FRMD4A: variants seen among roughly 807,000 people sequenced by gnomAD.
The protein encoded by FRMD4A is FERM domain-containing protein 4A.
A neutral mutation model predicts 129.1 loss-of-function variants in FRMD4A; 29 were observed. The observed-to-expected ratio is 0.22, with a 90% CI of 0.17 to 0.31. FRMD4A has a LOEUF of 0.31. Ranked by LOEUF, FRMD4A falls within the 10% of genes least tolerant of loss-of-function variation. The pLI is 1.00. For synonymous variants in FRMD4A, 634 were observed against 571.6 expected, an observed-to-expected ratio of 1.11 and a Z score of -1.56; for missense variants, 1,272 against 1,375.8, an observed-to-expected ratio of 0.92 and a Z score of 1.19.
At chr10:13,723,894 G>A (rs909984899) in intron 12 of FRMD4A, among the ~76,000 whole-genome samples, 12 of 152,302 alleles carry the variant, frequency 7.9e-5, no homozygotes, top group African/African-American at 2.6e-4. Context: ...AGAATGGAGA[G>A]ATTTAACTTT....
chr10:13,725,928 C>T (rs1413163113), intron 12 of FRMD4A, among the ~76,000 whole-genome samples: 1 of 152,200 alleles, frequency 6.6e-6, no homozygotes, highest in African/African-American at 2.4e-5. Context: ...TTCTGTGTCT[C>T]TTAGTCCCCA....
intron 2 of FRMD4A, among the ~76,000 whole-genome samples, chr10:13,978,655 C>T (rs761466474): frequency 2.0e-5 from 3 of 152,128 alleles, no homozygotes; most frequent in Admixed American, 1.3e-4. Flanking sequence ...GTCTGGAAAA[C>T]GTCCCAGCTC....
intron 2 of FRMD4A, among the ~76,000 whole-genome samples, chr10:13,898,239 G>A (rs1312281015): frequency 2.6e-5 from 4 of 152,102 alleles, no homozygotes; most frequent in Non-Finnish European, 5.9e-5. Context: ...TGGGTGTGGT[G>A]GGGCGTGCCT....
intron 2 of FRMD4A, among the ~76,000 whole-genome samples, chr10:14,130,458 T>C (rs10906606): frequency 0.35 from 53,237 of 151,590 alleles, 9,539 homozygotes; most frequent in East Asian, 0.55. Context: ...GATGAAGTCT[T>C]GCTATGATGC....
intron 2 of FRMD4A, among the ~76,000 whole-genome samples, chr10:14,198,766 T>C (rs1006401968): frequency 6.6e-6 from 1 of 152,226 alleles, no homozygotes; most frequent in Non-Finnish European, 1.5e-5. Flanking sequence ...CCTACAAAAC[T>C]CCAGCTCTCC....
At chr10:13,954,845 T>A (rs539664135) in intron 2 of FRMD4A, among the ~76,000 whole-genome samples, 1 of 152,200 alleles carries the variant, frequency 6.6e-6, no homozygotes, top group East Asian at 1.9e-4. Flanking sequence ...GGGTCTTCTC[T>A]CAAACCCCTC....
At chr10:14,029,675 A>G (rs1233323537) in intron 2 of FRMD4A, among the ~76,000 whole-genome samples, 2 of 152,112 alleles carry the variant, frequency 1.3e-5, no homozygotes, top group Non-Finnish European at 1.5e-5. Flanking sequence ...TTAGTTACCT[A>G]TTTTCATGCC....
At chr10:13,925,566 CTTTTTTTTTTTTTTTTTT>C (rs66980805) in intron 2 of FRMD4A, among the ~76,000 whole-genome samples, 3 of 61,936 alleles carry the variant, frequency 4.8e-5, no homozygotes, top group African/African-American at 7.1e-5. Flanking sequence ...TAGTGAAACG[CTTTTTTTTTTTTTTTTTT>C]TTTTTTTTTT....
intron 3 of FRMD4A, among the ~76,000 whole-genome samples, chr10:13,831,487 AAACAAG>A (rs2093789163): frequency 6.6e-6 from 1 of 152,198 alleles, no homozygotes. Flanking sequence ...TGCTGTTAGG[AAACAAG>A]AAGGCTTTGA....
At chr10:13,919,889 G>A (rs1032596542) in intron 2 of FRMD4A, among the ~76,000 whole-genome samples, 1 of 152,180 alleles carries the variant, frequency 6.6e-6, no homozygotes, top group Non-Finnish European at 1.5e-5. Context: ...AGTGAGCTGA[G>A]ATTGCACCAC....
At chr10:13,909,915 A>C (rs1480740999) in intron 2 of FRMD4A, among the ~76,000 whole-genome samples, 1 of 152,250 alleles carries the variant, frequency 6.6e-6, no homozygotes, top group East Asian at 1.9e-4. Flanking sequence ...ATCTCTTTTA[A>C]GTCCAAAAGA....
At chr10:13,763,122 T>C (rs1248681662) in intron 6 of FRMD4A, among the ~76,000 whole-genome samples, 3 of 152,176 alleles carry the variant, frequency 2.0e-5, no homozygotes, top group African/African-American at 7.2e-5. Context: ...TTTACTGCTC[T>C]TAGCTGGGAT....
chr10:14,314,693 G>C (rs1846672511), intron 2 of FRMD4A, among the ~76,000 whole-genome samples: 1 of 152,096 alleles, frequency 6.6e-6, no homozygotes, highest in Non-Finnish European at 1.5e-5. Context: ...CAATCTCTCT[G>C]AGCTTCCTTC....
At chr10:14,198,241 G>A (rs1589156184) in intron 2 of FRMD4A, among the ~76,000 whole-genome samples, 2 of 152,324 alleles carry the variant, frequency 1.3e-5, no homozygotes, top group East Asian at 3.9e-4. Context: ...CAAGGACTGC[G>A]TTCCTTGTGT....
rs376194245 is a variant in FRMD4A, at chr10:13,820,283, G to A, written c.112-9375C>T. ...TGGAAACCCCGAAGACCTCGTTTCC[G>A]TGTAATTGAAGGGAACTCAGCACTG... On this transcript the variant is annotated intron_variant, in intron 3 of 24. Transcript: ENST00000357447. 9.2e-5 allele frequency among the ~76,000 whole-genome samples: 14 copies of A among 152,266 alleles called. No homozygotes were observed. The East Asian group carries it at 1.2e-3, about 13-fold the overall frequency.
chr10:14,311,696 T>C (rs544470376), intron 2 of FRMD4A, among the ~76,000 whole-genome samples: 186 of 152,000 alleles, frequency 1.2e-3, no homozygotes, highest in African/African-American at 4.4e-3. Flanking sequence ...TCCAGGGCTG[T>C]TCCATCTTCT....
In FRMD4A at chr10:13,644,718, T is replaced by G. The variant is rs2081013283; in HGVS notation, c.*2320A>C. ...TTTTGACTTTTCCTGTTGCACACAG[T>G]TCAGTCTGACTATCCATGAATCTTC... is the stretch of plus-strand genomic sequence containing the variant. On this transcript the variant is annotated 3_prime_UTR_variant, in exon 25 of 25. Coordinates refer to ENST00000357447, the MANE Select transcript of FRMD4A (RefSeq NM_018027.5). The G allele has an allele frequency of 6.6e-6, 1 of 152,164 alleles. No individual in the cohort carries two copies. The highest frequency in any genetic ancestry group is 1.9e-4 in the East Asian group (1 of 5,202). 9.4% of individuals were successfully genotyped at this position (152,164 alleles called of 1,614,324 possible).
chr10:13,906,220 C>T (rs903672197), intron 2 of FRMD4A, among the ~76,000 whole-genome samples: 2 of 152,248 alleles, frequency 1.3e-5, no homozygotes, highest in Admixed American at 6.5e-5. Flanking sequence ...TGACTTTGAA[C>T]AGGTCAGCCT....
At chr10:14,204,372 C>T (rs190924228) in intron 2 of FRMD4A, among the ~76,000 whole-genome samples, 43 of 151,660 alleles carry the variant, frequency 2.8e-4, no homozygotes, top group Non-Finnish European at 3.8e-4. Context: ...GAGGCTGCAC[C>T]GAACTGTGAT....
Sources: allele counts gnomAD v4.1 joint callset (sites outside exome capture counted in the v4.1 genomes callset), GRCh38; gene constraint gnomAD v4.1.1; transcripts MANE v1.5; gene names NCBI Gene and HGNC (gene_info 2026-07-23, HGNC 2026-07-21).